EXOC4: variants seen among roughly 807,000 people sequenced by gnomAD.
EXOC4 encodes the protein exocyst complex component 4.
A neutral mutation model predicts 107.2 loss-of-function variants in EXOC4; 71 were observed. That is an observed-to-expected ratio of 0.66 (90% CI 0.55 to 0.81). The LOEUF is 0.81. Among genes scored for constraint, EXOC4 ranks in the 30% least tolerant of loss-of-function variants. The pLI is 0.00. For synonymous variants in EXOC4, 456 were observed against 441.2 expected (o/e 1.03, Z -0.42); for missense variants, 1,108 against 1,189.6 (o/e 0.93, Z 1.01).
At chr7:133,713,957 C>T (rs895404420) in intron 10 of EXOC4, among the ~76,000 whole-genome samples, 1 of 152,068 alleles carries the variant, frequency 6.6e-6, no homozygotes, top group Non-Finnish European at 1.5e-5. Flanking sequence ...TATCATAGAA[C>T]ATAAGAGCTA....
intron 14 of EXOC4, among the ~76,000 whole-genome samples, chr7:133,986,417 G>A (rs1794114890): frequency 6.6e-6 from 1 of 152,204 alleles, no homozygotes; most frequent in Non-Finnish European, 1.5e-5. Context: ...TACATGAATT[G>A]CTAGTAGTGG....
chr7:133,606,333 A>G (rs1801944781), intron 9 of EXOC4, among the ~76,000 whole-genome samples: 1 of 151,588 alleles, frequency 6.6e-6, no homozygotes, highest in South Asian at 2.1e-4. Flanking sequence ...TGCTCTGTAC[A>G]TCTCTGTTTC....
intron 10 of EXOC4, among the ~76,000 whole-genome samples, chr7:133,809,942 A>C (rs762329117): frequency 5.7e-4 from 87 of 152,212 alleles, no homozygotes; most frequent in Non-Finnish European, 1.0e-3. Context: ...GTTTCATGAA[A>C]AATGAATGAT....
intron 5 of EXOC4, among the ~76,000 whole-genome samples, chr7:133,317,616 C>A (rs1337419184): frequency 2.0e-5 from 3 of 152,146 alleles, no homozygotes; most frequent in Non-Finnish European, 4.4e-5. Context: ...GGCAGCTGAA[C>A]CTGGCCTGCC....
intron 9 of EXOC4, among the ~76,000 whole-genome samples, chr7:133,591,280 C>G (rs1801536206): frequency 6.6e-6 from 1 of 152,296 alleles, no homozygotes; most frequent in African/African-American, 2.4e-5. Context: ...TGTCTTCCCA[C>G]TTCAGCCTCC....
intron 7 of EXOC4, among the ~76,000 whole-genome samples, chr7:133,460,845 A>G (rs1312537844): frequency 6.6e-6 from 1 of 152,188 alleles, no homozygotes; most frequent in South Asian, 2.1e-4. Context: ...TTCAGTGGAA[A>G]TATCATTAGA....
At chr7:133,723,732 G>A (rs905944795) in intron 10 of EXOC4, among the ~76,000 whole-genome samples, 1 of 151,992 alleles carries the variant, frequency 6.6e-6, no homozygotes, top group Non-Finnish European at 1.5e-5. Flanking sequence ...CTCGGGTAAG[G>A]TACATGCCTC....
At chr7:133,314,692 G>T (rs1316340516) in intron 4 of EXOC4, among the ~76,000 whole-genome samples, 1 of 152,170 alleles carries the variant, frequency 6.6e-6, no homozygotes, top group African/African-American at 2.4e-5. Context: ...AAAAATATCA[G>T]TGTGCACACA....
chr7:133,972,118 C>A (rs563518743), intron 14 of EXOC4, among the ~76,000 whole-genome samples: 2 of 152,350 alleles, frequency 1.3e-5, no homozygotes, highest in East Asian at 3.9e-4. Flanking sequence ...TAGAAAACTA[C>A]CATCTTTACT....
chr7:133,955,329 G>T (rs1183899127), intron 14 of EXOC4, among the ~76,000 whole-genome samples: 1 of 152,176 alleles, frequency 6.6e-6, no homozygotes. Flanking sequence ...TCTCAGCATA[G>T]AGGAGACCCT....
At chr7:133,660,586 C>T (rs994800686) in intron 10 of EXOC4, among the ~76,000 whole-genome samples, 1 of 152,082 alleles carries the variant, frequency 6.6e-6, no homozygotes, top group Admixed American at 6.5e-5. Flanking sequence ...ACTGAATTGT[C>T]TTAGTGGAAC....
intron 7 of EXOC4, among the ~76,000 whole-genome samples, chr7:133,444,047 C>T (rs184960035): frequency 2.6e-4 from 39 of 152,216 alleles, no homozygotes; most frequent in Middle Eastern, 6.8e-3. Flanking sequence ...GATATCCTGG[C>T]CCAAAAGGTA....
At chr7:133,665,345 C>T (rs561418240) in intron 10 of EXOC4, among the ~76,000 whole-genome samples, 73 of 152,238 alleles carry the variant, frequency 4.8e-4, no homozygotes, top group South Asian at 1.5e-3. Flanking sequence ...TGTACAAATA[C>T]GCTTCATAAA....
the EXOC4 span, among the ~76,000 whole-genome samples, chr7:134,079,781 C>T: frequency 6.6e-6 from 1 of 152,222 alleles, no homozygotes; most frequent in African/African-American, 2.4e-5. Context: ...TGCACTGAGC[C>T]ATCCACATGT....
intron 7 of EXOC4, among the ~76,000 whole-genome samples, chr7:133,423,610 A>G (rs1656734663): frequency 6.6e-6 from 1 of 152,200 alleles, no homozygotes; most frequent in Non-Finnish European, 1.5e-5. Context: ...GTTCTTGGAC[A>G]TAATAGTGAG....
chr7:133,842,684 A>C lies in EXOC4; in HGVS notation c.1734+25140A>C, dbSNP rs193057203. 2.6e-4 allele frequency among the ~76,000 whole-genome samples: 39 copies of C among 152,056 alleles called. No homozygotes were observed. In the East Asian group the frequency reaches 6.6e-3, roughly 26 times the overall value. ...ATTTATTGATTTTTGTTTTCATTGCAATTGCTTCGTTATGAAATCTTTTCC... is the reference window on the plus strand; with the variant it reads ...ATTTATTGATTTTTGTTTTCATTGCCATTGCTTCGTTATGAAATCTTTTCC... On this transcript the variant is annotated intron_variant, in intron 11 of 17. Transcript: ENST00000253861.
At chr7:133,330,399 C>T (rs1795354517) in intron 5 of EXOC4, among the ~76,000 whole-genome samples, 2 of 151,992 alleles carry the variant, frequency 1.3e-5, no homozygotes, top group Non-Finnish European at 1.5e-5. Context: ...GAACTTCGCT[C>T]CCTGGCTTCA....
At chr7:133,290,067 A>C (rs1042785756) in intron 3 of EXOC4, among the ~76,000 whole-genome samples, 2 of 152,240 alleles carry the variant, frequency 1.3e-5, no homozygotes, top group Non-Finnish European at 2.9e-5. Context: ...ATTTTGCTAA[A>C]AGTCCTTCAT....
At chr7:133,356,638 G>A (rs1408699528) in intron 6 of EXOC4, 65 bp downstream of exon 6, 53 of 1,554,922 alleles carry the variant, frequency 3.4e-5, no homozygotes, top group Admixed American at 5.3e-5. Context: ...AGGGTGGGGC[G>A]TAAGTAACTT....
Sources: gnomAD v4.1 joint callset for allele counts (sites outside exome capture counted in the v4.1 genomes callset) on GRCh38, gnomAD v4.1.1 for gene constraint, MANE v1.5 for transcripts, NCBI Gene and HGNC (gene_info 2026-07-23, HGNC 2026-07-21) for gene names.